GALNT13: variants seen among roughly 807,000 people sequenced by gnomAD.
GALNT13 encodes the protein polypeptide N-acetylgalactosaminyltransferase 13.
In GALNT13, 28 loss-of-function variants were observed where a neutral mutation model predicts 64.2. The ratio of observed to expected loss-of-function variants is 0.44; its 90% CI spans 0.32 to 0.60. The LOEUF (loss-of-function observed/expected upper bound fraction) is 0.60. Ranked by LOEUF, GALNT13 falls within the 20% of genes least tolerant of loss-of-function variation. The pLI is 0.05. For synonymous variants in GALNT13, 214 were observed against 224.6 expected (o/e 0.95, Z 0.42); for missense variants, 577 against 669.8 (o/e 0.86, Z 1.53).
intron 9 of GALNT13, among the ~76,000 whole-genome samples, chr2:154,382,166 A>G (rs1698302961): frequency 6.6e-6 from 1 of 152,052 alleles, no homozygotes; most frequent in South Asian, 2.1e-4. Context: ...AATCCCCTCT[A>G]TGGACACAGA....
chr2:153,612,170 A>G, the GALNT13 span, among the ~76,000 whole-genome samples: 39 of 152,110 alleles, frequency 2.6e-4, no homozygotes, highest in Admixed American at 2.2e-3. Flanking sequence ...AATGGTGATC[A>G]TTAAAAAGTC....
At chr2:153,883,095 AT>A (rs1686895130) in intron 1 of GALNT13, among the ~76,000 whole-genome samples, 1 of 145,460 alleles carries the variant, frequency 6.9e-6, no homozygotes, top group African/African-American at 2.5e-5. Context: ...ATATATATAT[AT>A]AATTCTTGAA....
chr2:153,550,077 A>G, the GALNT13 span, among the ~76,000 whole-genome samples: 1 of 152,190 alleles, frequency 6.6e-6, no homozygotes, highest in East Asian at 1.9e-4. Context: ...CATGGAGGTC[A>G]TTCCTTTCTG....
At chr2:153,569,526 T>A in the GALNT13 span, among the ~76,000 whole-genome samples, 4,997 of 149,172 alleles carry the variant, frequency 0.033, 163 homozygotes, top group East Asian at 0.16. Context: ...CTTTTTTTTT[T>A]AAAAAAAATC....
chr2:153,993,207 T>A (rs775030440), intron 3 of GALNT13, among the ~76,000 whole-genome samples: 2 of 152,096 alleles, frequency 1.3e-5, no homozygotes, highest in Non-Finnish European at 2.9e-5. Context: ...ATATATTAAG[T>A]TTTTATGTGC....
intron 4 of GALNT13, among the ~76,000 whole-genome samples, chr2:154,172,051 T>A (rs1331349972): frequency 6.6e-6 from 1 of 151,596 alleles, no homozygotes; most frequent in Non-Finnish European, 1.5e-5. Flanking sequence ...AGTTTGAGCC[T>A]CAAATATGAA....
intron 4 of GALNT13, among the ~76,000 whole-genome samples, chr2:154,204,145 C>A (rs1319433507): frequency 6.6e-6 from 1 of 152,124 alleles, no homozygotes; most frequent in Non-Finnish European, 1.5e-5. Context: ...CACATTTTAT[C>A]CTGGACTGCC....
At chr2:153,486,660 A>G in the GALNT13 span, among the ~76,000 whole-genome samples, 2 of 152,206 alleles carry the variant, frequency 1.3e-5, no homozygotes, top group Non-Finnish European at 2.9e-5. Flanking sequence ...AGCATGTAAT[A>G]ACTCACCCCA....
intron 1 of GALNT13, among the ~76,000 whole-genome samples, chr2:153,888,391 G>A (rs976202632): frequency 1.3e-5 from 2 of 151,940 alleles, no homozygotes; most frequent in Admixed American, 6.6e-5. Context: ...CTTATTATAT[G>A]AGGACATTAT....
At chr2:154,273,905 A>G (rs893782553) in intron 8 of GALNT13, among the ~76,000 whole-genome samples, 11 of 152,118 alleles carry the variant, frequency 7.2e-5, no homozygotes, top group Admixed American at 5.9e-4. Context: ...AATACATAAT[A>G]AAATAAATAA....
At chr2:153,609,976 C>T in the GALNT13 span, among the ~76,000 whole-genome samples, 1 of 152,100 alleles carries the variant, frequency 6.6e-6, no homozygotes, top group Non-Finnish European at 1.5e-5. Flanking sequence ...TATTTGTGCA[C>T]TACACAGATA....
intron 4 of GALNT13, chr2:154,236,133 G>A: frequency 2.7e-6 from 3 of 1,131,898 alleles, no homozygotes; most frequent in African/African-American, 1.6e-5. Flanking sequence ...GACTTTCCCT[G>A]CTTTCGTGAC....
At chr2:153,472,534 A>G in the GALNT13 span, among the ~76,000 whole-genome samples, 1 of 152,162 alleles carries the variant, frequency 6.6e-6, no homozygotes. Context: ...CTTGAGAAAC[A>G]CTATATAACT....
intron 1 of GALNT13, among the ~76,000 whole-genome samples, chr2:153,884,827 ATGTGTG>A (rs1176473961): frequency 1.3e-4 from 14 of 111,886 alleles, no homozygotes; most frequent in Admixed American, 1.2e-3. Flanking sequence ...GTGTATATAT[ATGTGTG>A]TGTGTGTGTG....
At chr2:153,493,916 A>G in the GALNT13 span, among the ~76,000 whole-genome samples, 1 of 151,992 alleles carries the variant, frequency 6.6e-6, no homozygotes, top group African/African-American at 2.4e-5. Context: ...TAGGAAATTT[A>G]TTTAAAAATG....
intron 8 of GALNT13, among the ~76,000 whole-genome samples, chr2:154,274,097 G>T (rs1429230087): frequency 6.6e-6 from 1 of 151,876 alleles, no homozygotes; most frequent in Non-Finnish European, 1.5e-5. Flanking sequence ...CTATCAATCA[G>T]TATAAATATT....
At chr2:154,021,238 A>G (rs1239042529) in intron 3 of GALNT13, among the ~76,000 whole-genome samples, 1 of 152,160 alleles carries the variant, frequency 6.6e-6, no homozygotes, top group Admixed American at 6.5e-5. Context: ...TTCTGTGAAG[A>G]AAGTCATTGG....
At chr2:153,909,037 T>C (rs1158635249) in intron 2 of GALNT13, among the ~76,000 whole-genome samples, 1 of 152,088 alleles carries the variant, frequency 6.6e-6, no homozygotes, top group Non-Finnish European at 1.5e-5. Flanking sequence ...TCCATGAACA[T>C]GGAGTGTTTT....
intron 10 of GALNT13, among the ~76,000 whole-genome samples, chr2:154,406,667 A>G (rs1699557753): frequency 6.6e-6 from 1 of 151,872 alleles, no homozygotes; most frequent in Non-Finnish European, 1.5e-5. Context: ...CACTTTATCT[A>G]CCCTTACTTA....
Sources: gnomAD v4.1 joint callset for allele counts (sites outside exome capture counted in the v4.1 genomes callset) on GRCh38, gnomAD v4.1.1 for gene constraint, MANE v1.5 for transcripts, NCBI Gene and HGNC (gene_info 2026-07-23, HGNC 2026-07-21) for gene names.